The following MGAT5 variants were observed in gnomAD, a reference collection of about 807,000 sequenced individuals.
MGAT5 encodes the protein alpha-1,6-mannosylglycoprotein 6-beta-N-acetylglucosaminyltransferase.
MGAT5 carries 30 observed loss-of-function variants against 94.3 expected under a neutral mutation model. The ratio of observed to expected loss-of-function variants is 0.32; its 90% CI spans 0.24 to 0.43. The LOEUF is 0.43. MGAT5 is among the 20% of genes least tolerant of loss of function. The pLI is 1.00. For synonymous variants in MGAT5, 310 were observed against 322.9 expected (o/e 0.96, Z 0.43); for missense variants, 691 against 905.5 (o/e 0.76, Z 3.04).
intron 2 of MGAT5, among the ~76,000 whole-genome samples, chr2:134,286,432 C>A (rs1573706123): frequency 6.6e-6 from 1 of 151,520 alleles, no homozygotes; most frequent in Non-Finnish European, 1.5e-5. Flanking sequence ...CATGAGATTT[C>A]TTTTTCTTTT....
chr2:134,120,370 CG>C (rs995655442), intron 1 of MGAT5: 4 of 377,536 alleles, frequency 1.1e-5, no homozygotes, highest in East Asian at 3.7e-5. Context: ...GAGGGGACCG[CG>C]GGGGGCACGG....
At chr2:134,423,079 C>G (rs1407199680) in intron 13 of MGAT5, among the ~76,000 whole-genome samples, 160 bp downstream of exon 13, 1 of 152,174 alleles carries the variant, frequency 6.6e-6, no homozygotes, top group Admixed American at 6.5e-5. Flanking sequence ...CTGTGGATTT[C>G]ATGAATGTTC....
At chr2:134,148,382 G>A (rs1416226970) in intron 1 of MGAT5, among the ~76,000 whole-genome samples, 1 of 152,226 alleles carries the variant, frequency 6.6e-6, no homozygotes, top group Non-Finnish European at 1.5e-5. Flanking sequence ...TTCCCCTGGT[G>A]ATTGCCCTTG....
intron 4 of MGAT5, among the ~76,000 whole-genome samples, chr2:134,334,440 T>C (rs1688211008): frequency 6.7e-6 from 1 of 149,166 alleles, no homozygotes; most frequent in African/African-American, 2.4e-5. Flanking sequence ...GGCTGGTAAA[T>C]TTGGTTATTT....
intron 10 of MGAT5, among the ~76,000 whole-genome samples, chr2:134,365,232 C>T (rs1680351092): frequency 6.6e-6 from 1 of 152,202 alleles, no homozygotes; most frequent in East Asian, 1.9e-4. Flanking sequence ...CTGCTTCACT[C>T]TTCCCACCAC....
intron 1 of MGAT5, among the ~76,000 whole-genome samples, chr2:134,180,174 T>C (rs773934567): frequency 8.5e-5 from 13 of 152,220 alleles, no homozygotes; most frequent in Non-Finnish European, 1.6e-4. Context: ...GTAAGTATAC[T>C]CAGTCCAGCA....
intron 4 of MGAT5, among the ~76,000 whole-genome samples, chr2:134,327,856 TTGCACATTA>T (rs1687729746): frequency 6.6e-6 from 1 of 152,148 alleles, no homozygotes; most frequent in Non-Finnish European, 1.5e-5. Context: ...CTTAGCATAA[TTGCACATTA>T]AACACAAAAA....
chr2:134,312,720 G>A (rs1480391431), intron 2 of MGAT5, among the ~76,000 whole-genome samples: 1 of 152,132 alleles, frequency 6.6e-6, no homozygotes, highest in East Asian at 1.9e-4. Context: ...AGTCTTACAA[G>A]GATGCAGTGT....
At chr2:134,264,681 A>T (rs1683579110) in intron 1 of MGAT5, among the ~76,000 whole-genome samples, 1 of 152,240 alleles carries the variant, frequency 6.6e-6, no homozygotes, top group Admixed American at 6.5e-5. Context: ...AAATTAATTT[A>T]AAAATATATA....
intron 11 of MGAT5, among the ~76,000 whole-genome samples, chr2:134,411,978 G>A (rs1205048978): frequency 6.6e-6 from 1 of 152,212 alleles, no homozygotes; most frequent in Admixed American, 6.5e-5. Flanking sequence ...GCCCAGACCT[G>A]GACCCTGCCC....
At chr2:134,166,099 A>G (rs1400454184) in intron 1 of MGAT5, among the ~76,000 whole-genome samples, 1 of 152,180 alleles carries the variant, frequency 6.6e-6, no homozygotes, top group Non-Finnish European at 1.5e-5. Context: ...AAAACTGCAT[A>G]AGACTGGGTT....
chr2:134,307,293 A>G (rs1282871413), intron 2 of MGAT5, among the ~76,000 whole-genome samples: 1 of 152,150 alleles, frequency 6.6e-6, no homozygotes, highest in African/African-American at 2.4e-5. Context: ...GACAGTTTTC[A>G]ACTCCGGGGC....
At chr2:134,381,713 A>T (rs1266634817) in intron 10 of MGAT5, among the ~76,000 whole-genome samples, 2 of 152,330 alleles carry the variant, frequency 1.3e-5, no homozygotes, top group Admixed American at 6.5e-5. Context: ...AAATGCAAAC[A>T]GTTTTCCAAA....
chr2:134,272,384 T>C (rs1306291911), intron 2 of MGAT5, among the ~76,000 whole-genome samples: 1 of 152,122 alleles, frequency 6.6e-6, no homozygotes, highest in Non-Finnish European at 1.5e-5. Flanking sequence ...TTTTTTCCTT[T>C]TTGGGCAATG....
chr2:134,366,990 C>G (rs1680473098), intron 10 of MGAT5, among the ~76,000 whole-genome samples: 1 of 152,220 alleles, frequency 6.6e-6, no homozygotes, highest in Non-Finnish European at 1.5e-5. Flanking sequence ...TGCCACTTAG[C>G]CCCAAGAGCC....
At chr2:134,343,591 T>TC (rs1688750146) in intron 7 of MGAT5, among the ~76,000 whole-genome samples, 1 of 152,154 alleles carries the variant, frequency 6.6e-6, no homozygotes, top group South Asian at 2.1e-4. Flanking sequence ...CTTTTAAAAA[T>TC]CCCATAGACC....
intron 1 of MGAT5, among the ~76,000 whole-genome samples, chr2:134,259,011 C>T (rs1683155269): frequency 6.6e-6 from 1 of 152,210 alleles, no homozygotes; most frequent in Non-Finnish European, 1.5e-5. Context: ...TTCCCCAACC[C>T]ATCCTTGTTT....
chr2:134,369,041 A>G (rs188507559), intron 10 of MGAT5, among the ~76,000 whole-genome samples: 19 of 151,984 alleles, frequency 1.3e-4, no homozygotes, highest in East Asian at 1.9e-4. Context: ...TTTTTTTGTC[A>G]ATCTCTCTTC....
rs1686007693 is a variant in MGAT5 at position 134,449,891 on chromosome 2, A to G, written c.*1044A>G. 1 of 152,318 alleles carries G rather than the reference A, an allele frequency of 6.6e-6. No individual in the cohort carries two copies. The highest frequency in any genetic ancestry group is 2.1e-4 in the South Asian group (1 of 4,824). 9.4% of individuals were successfully genotyped at this position (152,318 alleles called of 1,614,324 possible). ...CTTGTGTTGTGTCCCCTCTGATGGC[A>G]CCAAAGTCCAGGGAAGGGGGCTCTT... On this transcript the variant is annotated 3_prime_UTR_variant, in exon 16 of 16. Coordinates refer to ENST00000281923, the MANE Select transcript of MGAT5 (RefSeq NM_002410.5).
Sources: allele counts gnomAD v4.1 joint callset (sites outside exome capture counted in the v4.1 genomes callset), GRCh38; gene constraint gnomAD v4.1.1; transcripts MANE v1.5; gene names NCBI Gene and HGNC (gene_info 2026-07-23, HGNC 2026-07-21).